Variants in CACNA2D2 observed in about 807,000 individuals in gnomAD.
The protein encoded by CACNA2D2 is voltage-dependent calcium channel subunit alpha-2/delta-2.
In CACNA2D2, 48 loss-of-function variants were observed where a neutral mutation model predicts 166.4. The ratio of observed to expected loss-of-function variants is 0.29; its 90% CI spans 0.23 to 0.37. The LOEUF is 0.37. Among genes scored for constraint, CACNA2D2 ranks in the 10% least tolerant of loss-of-function variants. The probability of loss-of-function intolerance (pLI) is 1.00; values close to 1 mark genes in which losing one functional copy is unlikely to be tolerated. For missense variants in CACNA2D2, 1,122 were observed against 1,433.0 expected (o/e 0.78, Z 3.50); for synonymous variants, 561 against 573.7 (o/e 0.98, Z 0.32).
intron 2 of CACNA2D2, among the ~76,000 whole-genome samples, chr3:50,446,965 G>A (rs2106940088): frequency 6.6e-6 from 1 of 152,332 alleles, no homozygotes; most frequent in Admixed American, 6.5e-5. Context: ...AGGGTAAGCA[G>A]CAGCAAAGAG....
At chr3:50,458,963 A>G (rs1050998017) in intron 2 of CACNA2D2, among the ~76,000 whole-genome samples, 1 of 152,136 alleles carries the variant, frequency 6.6e-6, no homozygotes, top group Non-Finnish European at 1.5e-5. Flanking sequence ...TAGGCTCTGG[A>G]GCTGAGCTGG....
At chr3:50,383,890 G>A (rs888041064) in intron 6 of CACNA2D2, among the ~76,000 whole-genome samples, 1 of 152,196 alleles carries the variant, frequency 6.6e-6, no homozygotes, top group African/African-American at 2.4e-5. Flanking sequence ...CAACATGTGG[G>A]GAACGGTCTC....
chr3:50,455,674 C>T (rs1177359420), intron 2 of CACNA2D2, among the ~76,000 whole-genome samples: 1 of 152,178 alleles, frequency 6.6e-6, no homozygotes, highest in East Asian at 1.9e-4. Context: ...AAGCACACAC[C>T]AGCCTGTCCC....
At chr3:50,433,753 T>C (rs570806016) in intron 3 of CACNA2D2, among the ~76,000 whole-genome samples, 213 of 152,270 alleles carry the variant, frequency 1.4e-3, no homozygotes, top group Non-Finnish European at 1.6e-3. Flanking sequence ...CTCAGAACTA[T>C]AGTGGTCTGA....
chr3:50,384,340 G>A lies in CACNA2D2; in HGVS notation c.511-3C>T. The A allele has an allele frequency of 6.2e-7, 1 of 1,613,432 alleles. No homozygotes were observed. The highest frequency in any genetic ancestry group is 2.2e-5 in the East Asian group (1 of 44,874). On this transcript the variant is annotated splice_polypyrimidine_tract_variant and splice_region_variant and intron_variant, in intron 5 of 37. Coordinates refer to ENST00000424201, the MANE Select transcript of CACNA2D2 (RefSeq NM_006030.4). ...ACATCCTCACTCTCAGGGTCGTCCT[G>A]CAGAAAGGGCACCCCCGAGCAATGT...
Position 50,363,458 on chromosome 3 carries a change from GT to G in CACNA2D2, c.*1207del, listed in dbSNP as rs1271834333. On this transcript the variant is annotated 3_prime_UTR_variant, in exon 38 of 38. Transcript: ENST00000424201. Reference sequence around the variant, plus strand: ...TGAATGGTGTGAAGAGCTGTGCCCAGTCCCCACCTGTGTGTGTGTGTGTGTG... The same window carrying G: ...TGAATGGTGTGAAGAGCTGTGCCCAGCCCCACCTGTGTGTGTGTGTGTGTG... 2.7e-6 allele frequency: 1 copy of G among 371,510 alleles called. No individual in the cohort carries two copies. The highest frequency in any genetic ancestry group is 4.5e-6 in the Non-Finnish European group (1 of 223,308). 23.0% of individuals were successfully genotyped at this position (371,510 alleles called of 1,614,324 possible).
At chr3:50,458,039 TG>T (rs751403793) in intron 2 of CACNA2D2, among the ~76,000 whole-genome samples, 1 of 152,164 alleles carries the variant, frequency 6.6e-6, no homozygotes, top group Non-Finnish European at 1.5e-5. Context: ...CCCCCAGCCA[TG>T]GGTGCCCCAG....
Position 50,370,326 on chromosome 3 carries a change from G to T in CACNA2D2, c.2039C>A (p.Ala680Asp). Residue 680 changes from alanine to aspartate, a missense_variant, in exon 23 of 38, where the codon GCT becomes GAT. Coordinates refer to ENST00000424201, the MANE Select transcript of CACNA2D2 (RefSeq NM_006030.4). The part of the protein sequence containing the change: ...SFESEGHVFI[A>D]PREYCKDLNA... ...AAGGCCACACGCAAGCTACCTGGGA[G>T]CAATGAAAACGTGTCCTTCAGACTC... The T allele has an allele frequency of 6.3e-7, 1 of 1,582,126 alleles. No homozygotes were observed. Among genetic ancestry groups the T allele is most frequent in the South Asian group, 1.2e-5 (1 of 86,776 alleles).
intron 4 of CACNA2D2, among the ~76,000 whole-genome samples, chr3:50,392,687 T>C (rs1354117431): frequency 6.6e-6 from 1 of 152,194 alleles, no homozygotes; most frequent in Non-Finnish European, 1.5e-5. Context: ...CATAGCCTGA[T>C]GTGTGCAGTG....
chr3:50,479,249 C>T (rs1220479301), intron 1 of CACNA2D2, among the ~76,000 whole-genome samples: 1 of 152,142 alleles, frequency 6.6e-6, no homozygotes, highest in East Asian at 1.9e-4. Context: ...CTGCTATGGG[C>T]TGCAGGAACT....
intron 2 of CACNA2D2, among the ~76,000 whole-genome samples, chr3:50,451,978 T>C (rs1196054747): frequency 6.6e-6 from 1 of 152,172 alleles, no homozygotes; most frequent in Non-Finnish European, 1.5e-5. Context: ...AGTCTCATGA[T>C]GTGGATGCTG....
Position 50,365,745 on chromosome 3 carries a change from A to G in CACNA2D2, c.2916-57T>C, listed in dbSNP as rs370379008. On this transcript the variant is annotated intron_variant, in intron 33 of 37. Coordinates refer to ENST00000424201, the MANE Select transcript of CACNA2D2 (RefSeq NM_006030.4). This position sits in a 1 kb window ranked among gnomAD's most constrained non-coding sequence, Gnocchi z 4.5. ...TCAGCAGAGGACGATGCCATGCCCTACTTCTCTTCTGAGCCCTCCCGGCCA... is the reference window on the plus strand; with the variant it reads ...TCAGCAGAGGACGATGCCATGCCCTGCTTCTCTTCTGAGCCCTCCCGGCCA... 6.8e-6 allele frequency: 11 copies of G among 1,607,828 alleles called. No homozygotes were observed. In the African/African-American group the frequency reaches 1.5e-4, roughly 21 times the overall value.
At chr3:50,465,343 T>C (rs1237655889) in intron 2 of CACNA2D2, among the ~76,000 whole-genome samples, 3 of 152,248 alleles carry the variant, frequency 2.0e-5, no homozygotes, top group South Asian at 4.1e-4. Context: ...TCCACACTGG[T>C]AGATGGAGCA....
In CACNA2D2 at chr3:50,366,230, C is replaced by A. The variant is rs765820677; in HGVS notation, c.2709+37G>T. 2 of 1,613,990 alleles carry A rather than the reference C, an allele frequency of 1.2e-6. No homozygotes were observed. Among genetic ancestry groups the A allele is most frequent in the South Asian group, 2.2e-5 (2 of 91,080 alleles). ...TGCTACACCCCTAGAAGGCTCAAATCCCTACTCTCTTCTTTCACTCTCTTC... is the reference window on the plus strand; with the variant it reads ...TGCTACACCCCTAGAAGGCTCAAATACCTACTCTCTTCTTTCACTCTCTTC... On this transcript the variant is annotated intron_variant, in intron 31 of 37. Coordinates refer to ENST00000424201, the MANE Select transcript of CACNA2D2 (RefSeq NM_006030.4). The surrounding 1 kb of genome is among the most constrained non-coding windows in gnomAD (Gnocchi z 5.9).
intron 14 of CACNA2D2, 90 bp from the exon 15 acceptor site, chr3:50,378,187 ACT>A: frequency 6.4e-7 from 1 of 1,569,620 alleles, no homozygotes; most frequent in Non-Finnish European, 8.7e-7. Context: ...TGCCCCAGCC[ACT>A]GTGAGGGGGC....
chr3:50,426,205 G>A (rs1372887029), intron 3 of CACNA2D2, among the ~76,000 whole-genome samples: 2 of 152,202 alleles, frequency 1.3e-5, no homozygotes, highest in Admixed American at 6.5e-5. Context: ...TCTAGTCTCC[G>A]ACTCTGTTTT....
At chr3:50,478,729 G>A (rs1052904428) in intron 1 of CACNA2D2, among the ~76,000 whole-genome samples, 1 of 152,212 alleles carries the variant, frequency 6.6e-6, no homozygotes, top group Non-Finnish European at 1.5e-5. Flanking sequence ...GTGTGCTGGA[G>A]TCACAAAAGC....
Position 50,388,409 on chromosome 3 carries a change from G to A in CACNA2D2, c.466-797C>T, listed in dbSNP as rs1048332856. Among the ~76,000 whole-genome samples, 18 of 152,236 alleles carry A rather than the reference G, an allele frequency of 1.2e-4. 1 individual carries two copies. Among genetic ancestry groups the A allele is most frequent in the African/African-American group, 3.6e-4 (15 of 41,464 alleles). Reference sequence around the variant, plus strand: ...CTGCCCCCATGGGCTTCAGGGCCACGACTCAGGACAGAGCTGCTGTCCAAG... The same window carrying A: ...CTGCCCCCATGGGCTTCAGGGCCACAACTCAGGACAGAGCTGCTGTCCAAG... On this transcript the variant is annotated intron_variant, in intron 4 of 37. Transcript: ENST00000424201.
chr3:50,409,280 C>A (rs1010096457), intron 3 of CACNA2D2, among the ~76,000 whole-genome samples: 2 of 152,236 alleles, frequency 1.3e-5, no homozygotes, highest in Non-Finnish European at 2.9e-5. Context: ...AGTCAGACAA[C>A]ACCCTGGAAG....
Sources: allele counts gnomAD v4.1 joint callset (sites outside exome capture counted in the v4.1 genomes callset), GRCh38; gene constraint gnomAD v4.1.1; non-coding constraint Gnocchi (gnomAD v3.1); transcripts MANE v1.5; gene names NCBI Gene and HGNC (gene_info 2026-07-23, HGNC 2026-07-21).